Variants in TESK2 observed in about 807,000 individuals in gnomAD.
TESK2 encodes dual specificity testis-specific protein kinase 2.
In TESK2, 39 loss-of-function variants were observed where a neutral mutation model predicts 57.1. The ratio of observed to expected loss-of-function variants is 0.68; its 90% CI spans 0.53 to 0.89. The LOEUF (loss-of-function observed/expected upper bound fraction) is 0.89, where lower values mean the gene tolerates loss of function less well. TESK2 is among the 40% of genes least tolerant of loss of function. The pLI is 0.00. For missense variants in TESK2, 646 were observed against 732.1 expected (o/e 0.88, Z 1.36); for synonymous variants, 249 against 267.9 (o/e 0.93, Z 0.69).
intron 2 of TESK2, among the ~76,000 whole-genome samples, chr1:45,455,730 A>T (rs1652062098): frequency 6.6e-6 from 1 of 152,216 alleles, no homozygotes; most frequent in South Asian, 2.1e-4. Flanking sequence ...CACTTAAAAA[A>T]TGGCTAAGAT....
At chr1:45,402,177 G>A (rs1377777600) in intron 3 of TESK2, among the ~76,000 whole-genome samples, 3 of 151,084 alleles carry the variant, frequency 2.0e-5, no homozygotes, top group African/African-American at 7.3e-5. Context: ...ACCACTTGAG[G>A]CCAGGAGTTC....
intron 1 of TESK2, among the ~76,000 whole-genome samples, chr1:45,471,238 A>T (rs1369947718): frequency 6.6e-6 from 1 of 152,144 alleles, no homozygotes; most frequent in Non-Finnish European, 1.5e-5. Flanking sequence ...CTCAAAAAAA[A>T]GAAGCGGAGG....
chr1:45,452,638 G>T (rs1047083541), intron 2 of TESK2, among the ~76,000 whole-genome samples: 1 of 152,060 alleles, frequency 6.6e-6, no homozygotes, highest in African/African-American at 2.4e-5. Flanking sequence ...CCTGGGCACG[G>T]TGGCTAACGC....
chr1:45,344,907 C>T lies in TESK2; in HGVS notation c.1649G>A (p.Gly550Asp), dbSNP rs2149261632. ...GGTGGAGAAGGTGGCTGGAGTTGAG[C>T]CTGCTGGCCTTTCTTCTACCTCCAT... ...EEMEVEERPA[G>D]STPATFSTSG... Residue 550 changes from glycine (G) to aspartate (D), a missense_variant, in exon 11 of 11, where the codon GGC becomes GAC. Transcript: ENST00000372086. 6.2e-7 allele frequency: 1 copy of T among 1,614,038 alleles called. No individual in the cohort carries two copies. Among genetic ancestry groups the T allele is most frequent in the Non-Finnish European group, 8.5e-7 (1 of 1,180,028 alleles).
At chr1:45,348,030 A>T in intron 5 of TESK2, 30 bp from the exon 6 acceptor site, 1 of 1,471,066 alleles carries the variant, frequency 6.8e-7, no homozygotes, top group Non-Finnish European at 9.5e-7. Flanking sequence ...AGAGAAAATA[A>T]TGTGGCTCAG....
At chr1:45,439,626 A>C (rs1651359286) in intron 2 of TESK2, among the ~76,000 whole-genome samples, 1 of 152,196 alleles carries the variant, frequency 6.6e-6, no homozygotes, top group Admixed American at 6.6e-5. Context: ...GAGGCACAGA[A>C]GTCAAGGTCA....
Position 45,345,100 on chromosome 1 carries a change from G to A in TESK2, c.1456C>T (p.Leu486=). 6.2e-7 allele frequency: 1 copy of A among 1,614,182 alleles called. No individual in the cohort carries two copies. The highest frequency in any genetic ancestry group is 8.5e-7 in the Non-Finnish European group (1 of 1,180,040). The change falls in exon 11 of 11, where the codon CTA becomes TTA. Residue 486 remains leucine (L), a synonymous_variant. Transcript: ENST00000372086. ...ESLSDGPPPR[L]SSLKYRVKEI... is the part of the protein sequence containing the mutation. ...TTAACTCTGTACTTGAGACTACTTA[G>A]GCGTGGTGGGGGCCCATCAGATAGC...
intron 4 of TESK2, 127 bp downstream of exon 4, chr1:45,385,785 A>C (rs1570675253): frequency 2.3e-6 from 1 of 438,716 alleles, no homozygotes; most frequent in South Asian, 3.6e-5. Context: ...CATTATTAAC[A>C]CTGCCATTTT....
chr1:45,398,983 GAAAAAAAAAAAAAA>G (rs372886401), intron 3 of TESK2: 1 of 234,526 alleles, frequency 4.3e-6, no homozygotes, highest in East Asian at 1.2e-4. Context: ...ACTAGGACCT[GAAAAAAAAAAAAAA>G]AAAAAAAAAA....
At chr1:45,416,893 T>C (rs868237128) in intron 3 of TESK2, among the ~76,000 whole-genome samples, 4 of 151,926 alleles carry the variant, frequency 2.6e-5, no homozygotes, top group African/African-American at 7.3e-5. Flanking sequence ...TTCAAGTGAT[T>C]CTCCTGCCTC....
At chr1:45,422,952 T>G (rs934616005) in intron 2 of TESK2, among the ~76,000 whole-genome samples, 2 of 151,820 alleles carry the variant, frequency 1.3e-5, no homozygotes, top group Non-Finnish European at 2.9e-5. Flanking sequence ...GTATTTTTAG[T>G]AGAGACGGGG....
At chr1:45,353,638 C>A (rs1437864880) in intron 5 of TESK2, among the ~76,000 whole-genome samples, 3 of 152,274 alleles carry the variant, frequency 2.0e-5, no homozygotes, top group African/African-American at 7.2e-5. Context: ...GAAGTGACAG[C>A]TATTCTTAGG....
chr1:45,479,172 C>G (rs1653113839), intron 1 of TESK2, among the ~76,000 whole-genome samples: 1 of 152,022 alleles, frequency 6.6e-6, no homozygotes, highest in Non-Finnish European at 1.5e-5. Context: ...ATACAAATTC[C>G]TAACAAACAG....
chr1:45,465,451 TGGAAGGAAGGAA>T (rs61097907), intron 1 of TESK2, among the ~76,000 whole-genome samples: 16 of 104,432 alleles, frequency 1.5e-4, no homozygotes, highest in South Asian at 3.0e-4. Context: ...AGAAAAGAGA[TGGAAGGAAGGAA>T]GGAAGGAAGG....
intron 2 of TESK2, among the ~76,000 whole-genome samples, chr1:45,447,900 T>C (rs557505460): frequency 6.6e-6 from 1 of 152,262 alleles, no homozygotes; most frequent in Admixed American, 6.5e-5. Flanking sequence ...AATGTCATTA[T>C]GACTGTATAT....
intron 3 of TESK2, among the ~76,000 whole-genome samples, chr1:45,414,670 G>A (rs754741644): frequency 1.1e-4 from 17 of 152,266 alleles, no homozygotes; most frequent in East Asian, 1.9e-4. Flanking sequence ...ACATATACCC[G>A]TAGCAAAGCA....
chr1:45,448,797 A>G (rs1308156328), intron 2 of TESK2, among the ~76,000 whole-genome samples: 1 of 152,236 alleles, frequency 6.6e-6, no homozygotes, highest in Non-Finnish European at 1.5e-5. Context: ...ATCTTATGCC[A>G]TTAGATATTT....
At chr1:45,410,105 G>A (rs952070952) in intron 3 of TESK2, among the ~76,000 whole-genome samples, 22 of 151,864 alleles carry the variant, frequency 1.4e-4, no homozygotes, top group African/African-American at 5.3e-4. Flanking sequence ...GCAGTGAGCA[G>A]AGATCATGCC....
chr1:45,409,868 T>C (rs944553555), intron 3 of TESK2, among the ~76,000 whole-genome samples: 12 of 152,156 alleles, frequency 7.9e-5, no homozygotes, highest in Admixed American at 3.9e-4. Context: ...TCATTGTTTA[T>C]ATTAAAAATC....
Sources: allele counts gnomAD v4.1 joint callset (sites outside exome capture counted in the v4.1 genomes callset), GRCh38; gene constraint gnomAD v4.1.1; transcripts MANE v1.5; gene names NCBI Gene and HGNC (gene_info 2026-07-23, HGNC 2026-07-21).